The following KCNIP1 variants were observed in gnomAD, a reference collection of about 807,000 sequenced individuals.
KCNIP1 encodes the protein potassium voltage-gated channel interacting protein 1, also known as A-type potassium channel modulatory protein KCNIP1.
KCNIP1 carries 18 observed loss-of-function variants against 33.0 expected under a neutral mutation model. The observed-to-expected ratio is 0.55, with a 90% CI of 0.38 to 0.81. The LOEUF is 0.81. Among genes scored for constraint, KCNIP1 ranks in the 30% least tolerant of loss-of-function variants. The probability of loss-of-function intolerance (pLI) is 0.00; values close to 1 mark genes in which losing one functional copy is unlikely to be tolerated. For synonymous variants in KCNIP1, 93 were observed against 98.3 expected (o/e 0.95, Z 0.32); for missense variants, 238 against 271.6 (o/e 0.88, Z 0.87).
chr5:170,461,714 C>T (rs4041735), intron 1 of KCNIP1, among the ~76,000 whole-genome samples: 4,832 of 150,486 alleles, frequency 0.032, 182 homozygotes, highest in Admixed American at 0.088. Context: ...AGAGCCACTG[C>T]ACTCCAGCCC....
intron 1 of KCNIP1, among the ~76,000 whole-genome samples, chr5:170,417,490 A>T (rs1399250627): frequency 1.3e-5 from 2 of 151,806 alleles, no homozygotes; most frequent in African/African-American, 4.8e-5. Context: ...CAAATGCTCC[A>T]CTCTCTGCCA....
intron 1 of KCNIP1, among the ~76,000 whole-genome samples, chr5:170,453,843 AGACGTC>A (rs1463275347): frequency 6.6e-6 from 1 of 152,174 alleles, no homozygotes; most frequent in Non-Finnish European, 1.5e-5. Flanking sequence ...AGCAAGAAAC[AGACGTC>A]CTTGGTTCTA....
intron 1 of KCNIP1, among the ~76,000 whole-genome samples, chr5:170,493,461 A>T (rs1447166981): frequency 6.6e-6 from 1 of 152,070 alleles, no homozygotes; most frequent in African/African-American, 2.4e-5. Flanking sequence ...GCTCTGGGTG[A>T]CTCAGTCGCT....
chr5:170,361,877 A>C (rs1010932794), intron 1 of KCNIP1, among the ~76,000 whole-genome samples: 4 of 151,974 alleles, frequency 2.6e-5, no homozygotes, highest in Non-Finnish European at 5.9e-5. Flanking sequence ...AAATACCATC[A>C]CCTCAGGAGT....
upstream of KCNIP1, among the ~76,000 whole-genome samples, chr5:170,501,763 G>GTATCCCTGACAAGT (rs1757417865): frequency 6.6e-6 from 1 of 152,236 alleles, no homozygotes; most frequent in Admixed American, 6.5e-5. Context: ...GACACCCAGG[G>GTATCCCTGACAAGT]TGGCTTAACT....
intron 1 of KCNIP1, among the ~76,000 whole-genome samples, chr5:170,513,881 TTG>T (rs1382810082): frequency 6.6e-6 from 1 of 152,140 alleles, no homozygotes; most frequent in Non-Finnish European, 1.5e-5. Context: ...GACCTCTCTG[TTG>T]GTGGGGATCC....
intron 1 of KCNIP1, chr5:170,376,947 C>T (rs1764028640): frequency 6.6e-6 from 1 of 152,190 alleles, no homozygotes; most frequent in Non-Finnish European, 1.5e-5. Context: ...TATGATGTGT[C>T]AAACATTCCT....
chr5:170,656,239 G>GAATGAAGCTCAGTGCACACACTA (rs1298231244), intron 1 of KCNIP1, among the ~76,000 whole-genome samples: 3 of 152,228 alleles, frequency 2.0e-5, no homozygotes, highest in Non-Finnish European at 4.4e-5. Context: ...AGTTTTCCCA[G>GAATGAAGCTCAGTGCACACACTA]AATGAAGCTC....
intron 1 of KCNIP1, chr5:170,422,101 ATGTGACT>A (rs1364683081): frequency 2.0e-5 from 3 of 152,334 alleles, no homozygotes; most frequent in East Asian, 1.9e-4. Flanking sequence ...ATAAACACAG[ATGTGACT>A]TGTGCCTTGA....
intron 1 of KCNIP1, among the ~76,000 whole-genome samples, chr5:170,639,847 T>C (rs779807738): frequency 3.3e-5 from 5 of 152,210 alleles, no homozygotes; most frequent in Non-Finnish European, 7.3e-5. Flanking sequence ...TCCCTCCCCC[T>C]GACAAAAACA....
At chr5:170,471,782 CT>C in intron 1 of KCNIP1, among the ~76,000 whole-genome samples, 1 of 152,326 alleles carries the variant, frequency 6.6e-6, no homozygotes, top group South Asian at 2.1e-4. Context: ...CCTCTTTCCC[CT>C]GAACCCACTC....
intron 1 of KCNIP1, among the ~76,000 whole-genome samples, chr5:170,700,541 T>C (rs1039550898): frequency 6.6e-6 from 1 of 152,144 alleles, no homozygotes; most frequent in South Asian, 2.1e-4. Flanking sequence ...TGCACTCCAT[T>C]CTAGGCAACA....
chr5:170,539,404 G>A lies in KCNIP1; in HGVS notation c.61+34771G>A, dbSNP rs114137839. On this transcript the variant is annotated intron_variant, in intron 1 of 7. Transcript: ENST00000328939. ...CCTCCCATCTTTCACCACTGGCTGT[G>A]GCTTCCTTGCACTTTTGCAACACCA... is the stretch of plus-strand genomic sequence containing the variant. Among the ~76,000 whole-genome samples, 1,171 of 152,224 alleles carry A rather than the reference G, an allele frequency of 7.7e-3. 17 individuals are homozygous for A. Among genetic ancestry groups the A allele is most frequent in the African/African-American group, 0.026 (1,077 of 41,522 alleles).
chr5:170,615,407 C>G (rs903830926), intron 1 of KCNIP1, among the ~76,000 whole-genome samples: 5 of 152,154 alleles, frequency 3.3e-5, no homozygotes, highest in Non-Finnish European at 7.3e-5. Context: ...GACTGACAAG[C>G]CTGTGATAAC....
At chr5:170,604,446 C>G (rs977379348) in intron 1 of KCNIP1, among the ~76,000 whole-genome samples, 4 of 152,140 alleles carry the variant, frequency 2.6e-5, no homozygotes, top group African/African-American at 9.7e-5. Flanking sequence ...AGCAGATGCC[C>G]CACTGAGGCT....
rs112865557 is a variant in KCNIP1, at chr5:170,720,461, C to T, written c.256+71C>T. 1,082 of 1,209,124 alleles carry T rather than the reference C, an allele frequency of 8.9e-4. 7 individuals carry two copies. In the African/African-American group the frequency reaches 0.012, roughly 13 times the overall value. 74.9% of individuals were successfully genotyped at this position (1,209,124 alleles called of 1,614,324 possible). A position where few individuals can be genotyped will look rare whatever the true frequency, so the allele number is the denominator to read the frequency against. The stretch of plus-strand genomic sequence containing the variant: ...AAGCAGCCTTCCCTTCCTCCAAGTC[C>T]TCTCTTCCTTGCCATTTGCTTCCTT... On this transcript the variant is annotated intron_variant, in intron 3 of 7. Transcript: ENST00000328939.
At chr5:170,492,957 C>G (rs1757236190) in intron 1 of KCNIP1, among the ~76,000 whole-genome samples, 1 of 152,088 alleles carries the variant, frequency 6.6e-6, no homozygotes, top group African/African-American at 2.4e-5. Context: ...ACCATGCTGG[C>G]CAGGATGGTA....
chr5:170,624,457 T>C (rs1561724709), intron 1 of KCNIP1, among the ~76,000 whole-genome samples: 1 of 152,106 alleles, frequency 6.6e-6, no homozygotes, highest in South Asian at 2.1e-4. Context: ...ACTCTATCTT[T>C]AACTGTATTC....
intron 1 of KCNIP1, among the ~76,000 whole-genome samples, chr5:170,365,839 T>C (rs1763646163): frequency 6.6e-6 from 1 of 152,268 alleles, no homozygotes; most frequent in African/African-American, 2.4e-5. Context: ...ACCACAGGTT[T>C]ATTAAAGTAA....
Sources: gnomAD v4.1 joint callset for allele counts (sites outside exome capture counted in the v4.1 genomes callset) on GRCh38, gnomAD v4.1.1 for gene constraint, MANE v1.5 for transcripts, NCBI Gene and HGNC (gene_info 2026-07-23, HGNC 2026-07-21) for gene names.